Variants in LPIN1 observed in about 807,000 individuals in gnomAD.
The protein encoded by LPIN1 is lipin 1, also known as phosphatidate phosphatase LPIN1.
Under a neutral mutation model 107.5 loss-of-function variants are expected in LPIN1, and 71 were observed. The observed-to-expected ratio is 0.66, with a 90% CI of 0.55 to 0.80. The LOEUF is 0.80. Among genes scored for constraint, LPIN1 ranks in the 30% least tolerant of loss-of-function variants. The pLI is 0.00. For synonymous variants in LPIN1, 445 were observed against 452.6 expected (o/e 0.98, Z 0.21); for missense variants, 1,043 against 1,160.6 (o/e 0.90, Z 1.47).
At chr2:11,747,645 T>C (rs1667165455) in intron 1 of LPIN1, among the ~76,000 whole-genome samples, 1 of 152,188 alleles carries the variant, frequency 6.6e-6, no homozygotes, top group Non-Finnish European at 1.5e-5. Flanking sequence ...TGACTGTTTA[T>C]CCTTTGTTCC....
intron 1 of LPIN1, among the ~76,000 whole-genome samples, chr2:11,751,517 AT>A (rs1202135318): frequency 3.3e-5 from 5 of 152,174 alleles, no homozygotes; most frequent in Admixed American, 6.5e-5. Flanking sequence ...TCATTCCAGA[AT>A]TTTTTTATGC....
In LPIN1 at chr2:11,786,959, T is replaced by C. The variant is rs1431145950; in HGVS notation, c.1550-115T>C. 1.3e-6 allele frequency: 1 copy of C among 761,116 alleles called. No homozygotes were observed. The highest frequency in any genetic ancestry group is 1.7e-5 in the African/African-American group (1 of 58,682). 47.1% of individuals were successfully genotyped at this position (761,116 alleles called of 1,614,324 possible). A position where few individuals can be genotyped will look rare whatever the true frequency, so the allele number is the denominator to read the frequency against. ...ACATTTTATAGGATTGTCTGCACAG[T>C]TGGAATGCACAAACTCTCAGAAAAC... On this transcript the variant is annotated intron_variant, in intron 10 of 20. Transcript: ENST00000674199. The surrounding 1 kb of genome is among the most constrained non-coding windows in gnomAD (Gnocchi z 4.1).
intron 8 of LPIN1, 148 bp from the exon 9 acceptor site, chr2:11,783,681 C>A: frequency 1.3e-6 from 1 of 767,880 alleles, no homozygotes. Context: ...CAAAATAGAA[C>A]ACACTTGGAA....
intron 1 of LPIN1, among the ~76,000 whole-genome samples, chr2:11,678,079 C>A (rs1174187561): frequency 6.6e-6 from 1 of 152,212 alleles, no homozygotes; most frequent in Non-Finnish European, 1.5e-5. Flanking sequence ...CTAGAACATC[C>A]TTGTCTGTCC....
At chr2:11,696,126 A>T (rs1035308269) in intron 1 of LPIN1, among the ~76,000 whole-genome samples, 3 of 147,392 alleles carry the variant, frequency 2.0e-5, no homozygotes, top group African/African-American at 5.1e-5. Flanking sequence ...ACATAGGTAT[A>T]CGTGTGCCAT....
At position 11,765,596 on chromosome 2, in the gene LPIN1, T is replaced by C. The variant is rs1670731492; in HGVS notation, c.55T>C (p.Tyr19His). Reference sequence around the variant, plus strand: ...GGTGTTTGTCACCGTGAAGGAGCTCTACAAGGGGCTGAATCCCGCCACACT... The same window carrying C: ...GGTGTTTGTCACCGTGAAGGAGCTCCACAAGGGGCTGAATCCCGCCACACT... ...GQVFVTVKEL[Y>H]KGLNPATLSG... The change falls in exon 2 of 21, where the codon TAC (tyrosine) becomes CAC (histidine). Residue 19 changes from tyrosine (Y) to histidine (H), a missense_variant. Coordinates refer to ENST00000674199, the MANE Select transcript of LPIN1 (RefSeq NM_001349206.2). The surrounding 1 kb of genome is among the most constrained non-coding windows in gnomAD (Gnocchi z 4.4). 1.2e-6 allele frequency: 2 copies of C among 1,614,160 alleles called. No individual in the cohort carries two copies. Among genetic ancestry groups the C allele is most frequent in the East Asian group, 4.5e-5 (2 of 44,880 alleles).
chr2:11,812,691 G>C (rs990078601), intron 17 of LPIN1, among the ~76,000 whole-genome samples: 2 of 152,170 alleles, frequency 1.3e-5, no homozygotes, highest in African/African-American at 2.4e-5. Context: ...AAAGGTGGGG[G>C]CCAGGTCTTG....
At chr2:11,740,973 G>T in intron 1 of LPIN1, 1 of 164,560 alleles carries the variant, frequency 6.1e-6, no homozygotes, top group Admixed American at 6.3e-5. Context: ...ACTTTTCTCA[G>T]GCACTTCTCA....
chr2:11,717,697 G>GT (rs554187260), intron 2 of LPIN1, among the ~76,000 whole-genome samples: 132 of 146,774 alleles, frequency 9.0e-4, no homozygotes, highest in Middle Eastern at 3.6e-3. Context: ...CAGGTGACAG[G>GT]TTTTTTTTTT....
intron 17 of LPIN1, among the ~76,000 whole-genome samples, chr2:11,813,705 A>T (rs895831281): frequency 6.6e-6 from 1 of 152,058 alleles, no homozygotes; most frequent in Non-Finnish European, 1.5e-5. Flanking sequence ...ACCTGAGGTC[A>T]GGAGTTCAGG....
intron 1 of LPIN1, among the ~76,000 whole-genome samples, chr2:11,684,183 A>T (rs1661878004): frequency 1.3e-5 from 2 of 152,062 alleles, no homozygotes; most frequent in African/African-American, 4.8e-5. Context: ...CACCCTTCCC[A>T]GTGCCAAGGC....
Position 11,789,366 on chromosome 2 carries a change from C to T in LPIN1, c.1713+910C>T, listed in dbSNP as rs922864181. ...GTATGCATTTGCATGCGTGTGTGTG[C>T]GCATGTATGTGTGTGCATGCGGGTA... On this transcript the variant is annotated intron_variant, in intron 12 of 20. Transcript: ENST00000674199. 5.9e-5 allele frequency among the ~76,000 whole-genome samples: 9 copies of T among 151,420 alleles called. No individual in the cohort carries two copies. In the South Asian group the frequency reaches 1.5e-3, roughly 25 times the overall value.
intron 16 of LPIN1, 79 bp from the exon 17 acceptor site, chr2:11,804,991 T>A: frequency 1.2e-6 from 1 of 865,882 alleles, no homozygotes; most frequent in Non-Finnish European, 1.9e-6. Context: ...TGTTTTTTTT[T>A]TTTTTTTATG....
intron 1 of LPIN1, among the ~76,000 whole-genome samples, chr2:11,764,050 T>G (rs1670317197): frequency 8.2e-6 from 1 of 121,250 alleles, no homozygotes. Flanking sequence ...GATCCTATCT[T>G]CAAATGTGTG....
At chr2:11,821,150 G>A (rs1217628823) in intron 20 of LPIN1, among the ~76,000 whole-genome samples, 9 of 152,194 alleles carry the variant, frequency 5.9e-5, no homozygotes, top group Admixed American at 6.5e-5. Flanking sequence ...AGCCCAGGCC[G>A]ACCCTTGTCT....
At chr2:11,696,066 T>TA (rs11409174) in intron 1 of LPIN1, among the ~76,000 whole-genome samples, 6 of 146,304 alleles carry the variant, frequency 4.1e-5, no homozygotes, top group African/African-American at 1.3e-4. Context: ...TTTTTTTTTT[T>TA]AATTTTACTT....
At chr2:11,708,232 A>G (rs997270205) in intron 1 of LPIN1, among the ~76,000 whole-genome samples, 4 of 152,088 alleles carry the variant, frequency 2.6e-5, no homozygotes, top group African/African-American at 9.7e-5. Flanking sequence ...ACTCTCATCA[A>G]TTTCACTTTT....
chr2:11,679,202 G>A (rs140904588), intron 1 of LPIN1, among the ~76,000 whole-genome samples: 4,279 of 152,280 alleles, frequency 0.028, 93 homozygotes, highest in Non-Finnish European at 0.044. Flanking sequence ...CCATTTGACA[G>A]CTGAGAAAAC....
chr2:11,716,395 T>C (rs922133226), intron 2 of LPIN1, among the ~76,000 whole-genome samples: 1 of 152,072 alleles, frequency 6.6e-6, no homozygotes, highest in African/African-American at 2.4e-5. Context: ...CTCTCTCTCC[T>C]CCTGCTCTCC....
Sources: gnomAD v4.1 joint callset for allele counts (sites outside exome capture counted in the v4.1 genomes callset) on GRCh38, gnomAD v4.1.1 for gene constraint, Gnocchi (gnomAD v3.1) non-coding constraint, MANE v1.5 for transcripts, NCBI Gene and HGNC (gene_info 2026-07-23, HGNC 2026-07-21) for gene names.